The following P2RY8 variants were observed in gnomAD, a reference collection of about 807,000 sequenced individuals.
P2RY8 encodes S-geranylgeranyl-glutathione receptor P2RY8.
Under a neutral mutation model 10.0 loss-of-function variants are expected in P2RY8, and 6 were observed. That is an observed-to-expected ratio of 0.60 (90% CI 0.33 to 1.19). The LOEUF is 1.19. P2RY8 is among the 50% of genes most tolerant of loss of function. The pLI, the probability that P2RY8 is intolerant of heterozygous loss-of-function variation, is 0.04. For missense variants in P2RY8, 456 were observed against 542.0 expected (o/e 0.84, Z 1.58); for synonymous variants, 276 against 252.5 (o/e 1.09, Z -0.88).
Position 1,524,409 on chromosome X carries a change from G to GCATGCATCCATCCATC in P2RY8, c.-25+12511_-25+12512insGATGGATGGATGCATG, listed in dbSNP as rs1309158911. Among the ~76,000 whole-genome samples, 58 of 109,900 alleles carry GCATGCATCCATCCATC rather than the reference G, an allele frequency of 5.3e-4. 5 individuals are homozygous for GCATGCATCCATCCATC. Among genetic ancestry groups the GCATGCATCCATCCATC allele is most frequent in the African/African-American group, 1.4e-3 (37 of 26,888 alleles). 72.1% of individuals were successfully genotyped at this position (109,900 alleles called of 152,430 possible). ...TCCATCCATCCCTCCATCCATGCAT[G>GCATGCATCCATCCATC]CATCCATCCATCCATCCATCCATCC... On this transcript the variant is annotated intron_variant, in intron 1 of 1. Coordinates refer to ENST00000381297, the MANE Select transcript of P2RY8 (RefSeq NM_178129.5).
chrX:1,510,916 C>T (rs1165246504), intron 1 of P2RY8, among the ~76,000 whole-genome samples: 5 of 149,742 alleles, frequency 3.3e-5, no homozygotes, highest in South Asian at 2.1e-4. Context: ...CAGTGGCTCC[C>T]GCCTGTAATC....
intron 1 of P2RY8, among the ~76,000 whole-genome samples, chrX:1,504,746 G>A (rs2092214534): frequency 6.6e-6 from 1 of 152,164 alleles, no homozygotes; most frequent in African/African-American, 2.4e-5. Context: ...CAGCACTTTG[G>A]GAGGCTGATG....
At chrX:1,516,468 G>A (rs28838893) in intron 1 of P2RY8, among the ~76,000 whole-genome samples, 130,319 of 150,754 alleles carry the variant, frequency 0.86, 56,609 homozygotes, top group East Asian at 0.99. Context: ...TTTCTAAGCC[G>A]CCCAGTCTAT....
At chrX:1,507,648 G>A (rs60352406) in intron 1 of P2RY8, among the ~76,000 whole-genome samples, 47,870 of 151,796 alleles carry the variant, frequency 0.32, 7,949 homozygotes, top group Non-Finnish European at 0.36. Flanking sequence ...CCCACGTGCC[G>A]GCCCCTCCTG....
At chrX:1,493,255 T>C (rs1201858124) in intron 1 of P2RY8, among the ~76,000 whole-genome samples, 1 of 145,542 alleles carries the variant, frequency 6.9e-6, no homozygotes, top group Non-Finnish European at 1.5e-5. Context: ...GCCACTGCAC[T>C]CCAGCCTGGG....
At chrX:1,481,350 G>A (rs1407451072) in intron 1 of P2RY8, among the ~76,000 whole-genome samples, 2 of 152,176 alleles carry the variant, frequency 1.3e-5, no homozygotes, top group Non-Finnish European at 2.9e-5. Flanking sequence ...TTTTAGCAGA[G>A]ATGGGATTTC....
At chrX:1,528,574 T>C (rs191174300) in intron 1 of P2RY8, among the ~76,000 whole-genome samples, 1 of 151,848 alleles carries the variant, frequency 6.6e-6, no homozygotes, top group Admixed American at 6.5e-5. Flanking sequence ...GGTCTTTGGA[T>C]TGAGTGTGGA....
At chrX:1,490,538 T>C (rs1360636845) in intron 1 of P2RY8, among the ~76,000 whole-genome samples, 1 of 143,394 alleles carries the variant, frequency 7.0e-6, no homozygotes, top group African/African-American at 2.6e-5. Flanking sequence ...GAATGAATGA[T>C]ACCCCGGATT....
chrX:1,498,293 C>G (rs1166917398), intron 1 of P2RY8, among the ~76,000 whole-genome samples: 1 of 149,494 alleles, frequency 6.7e-6, no homozygotes, highest in Non-Finnish European at 1.5e-5. Context: ...GTAGTCCCAG[C>G]TACTCGGGAG....
chrX:1,520,178 A>G (rs1370272110), intron 1 of P2RY8, among the ~76,000 whole-genome samples: 1 of 150,852 alleles, frequency 6.6e-6, no homozygotes, highest in Non-Finnish European at 1.5e-5. Context: ...GTGCTCCTCA[A>G]TTATGTCCTT....
At chrX:1,498,320 G>C (rs1214147057) in intron 1 of P2RY8, among the ~76,000 whole-genome samples, 1 of 148,968 alleles carries the variant, frequency 6.7e-6, no homozygotes, top group Non-Finnish European at 1.5e-5. Context: ...GCAGGAGAAT[G>C]GCGTGAACCT....
At chrX:1,473,624 G>T (rs1343846780) in intron 1 of P2RY8, among the ~76,000 whole-genome samples, 3 of 148,396 alleles carry the variant, frequency 2.0e-5, no homozygotes, top group African/African-American at 7.5e-5. Context: ...GTTTAGATAG[G>T]TGGATGTGTG....
chrX:1,473,121 G>A (rs1229147429), intron 1 of P2RY8, among the ~76,000 whole-genome samples: 10 of 138,606 alleles, frequency 7.2e-5, no homozygotes, highest in Non-Finnish European at 1.5e-4. Context: ...GGGTTGATGG[G>A]TAGATGGATG....
At chrX:1,484,446 G>A (rs776961702) in intron 1 of P2RY8, among the ~76,000 whole-genome samples, 1 of 152,170 alleles carries the variant, frequency 6.6e-6, no homozygotes, top group East Asian at 1.9e-4. Flanking sequence ...AACATTACAG[G>A]CCGGGCGCGG....
intron 1 of P2RY8, among the ~76,000 whole-genome samples, chrX:1,516,020 TA>T (rs765204755): frequency 0.12 from 15,164 of 125,852 alleles, 3,087 homozygotes; most frequent in African/African-American, 0.43. Context: ...CTGTCTCTAC[TA>T]AAAAAAAAAA....
chrX:1,524,450 TATC>T (rs2092417280), intron 1 of P2RY8, among the ~76,000 whole-genome samples: 2 of 28,062 alleles, frequency 7.1e-5, no homozygotes, highest in African/African-American at 1.1e-4. Flanking sequence ...TTCATCCATC[TATC>T]CATCCATCCA....
At chrX:1,490,201 C>G (rs1203384606) in intron 1 of P2RY8, among the ~76,000 whole-genome samples, 1 of 133,490 alleles carries the variant, frequency 7.5e-6, no homozygotes, top group Admixed American at 7.3e-5. Flanking sequence ...CCCAGATTCA[C>G]TTCTGCAAAT....
At chrX:1,480,917 A>ACCC (rs1156658463) in intron 1 of P2RY8, among the ~76,000 whole-genome samples, 1 of 151,004 alleles carries the variant, frequency 6.6e-6, no homozygotes, top group Non-Finnish European at 1.5e-5. Flanking sequence ...AAAAAAAAAA[A>ACCC]CCATTTAAAC....
intron 1 of P2RY8, among the ~76,000 whole-genome samples, chrX:1,478,828 A>G (rs6644960): frequency 0.54 from 81,343 of 151,712 alleles, 22,061 homozygotes; most frequent in South Asian, 0.65. Flanking sequence ...AAAACAGAGA[A>G]GCTAGGTGGT....
Sources: allele counts gnomAD v4.1 joint callset (sites outside exome capture counted in the v4.1 genomes callset), GRCh38; gene constraint gnomAD v4.1.1; transcripts MANE v1.5; gene names NCBI Gene and HGNC (gene_info 2026-07-23, HGNC 2026-07-21).